Variants in VIPR2 observed in about 807,000 individuals in gnomAD.
VIPR2 encodes the protein vasoactive intestinal polypeptide receptor 2.
In VIPR2, 48 loss-of-function variants were observed where a neutral mutation model predicts 58.0. That is an observed-to-expected ratio of 0.83 (90% CI 0.66 to 1.05). VIPR2 has a LOEUF of 1.05. Among genes scored for constraint, VIPR2 ranks in the 50% least tolerant of loss-of-function variants. VIPR2 has a pLI of 0.00. For missense variants in VIPR2, 534 were observed against 558.0 expected (o/e 0.96, Z 0.43); for synonymous variants, 243 against 235.2 (o/e 1.03, Z -0.30).
chr7:159,123,897 G>A (rs1796562965), intron 2 of VIPR2, among the ~76,000 whole-genome samples: 1 of 152,164 alleles, frequency 6.6e-6, no homozygotes, highest in Non-Finnish European at 1.5e-5. Flanking sequence ...TTTCTCTAAT[G>A]TTCAGTGATG....
At chr7:159,076,416 C>T (rs532665572) in intron 4 of VIPR2, among the ~76,000 whole-genome samples, 1 of 152,260 alleles carries the variant, frequency 6.6e-6, no homozygotes, top group South Asian at 2.1e-4. Context: ...CCAAAAGTAT[C>T]CTTACAGTGC....
chr7:159,043,211 G>T, intron 5 of VIPR2, 35 bp from the exon 6 acceptor site: 1 of 1,567,428 alleles, frequency 6.4e-7, no homozygotes, highest in East Asian at 2.3e-5. Context: ...AGGAATTGGA[G>T]GGGGAAGGGG....
At chr7:159,082,123 C>G (rs892898639) in intron 4 of VIPR2, among the ~76,000 whole-genome samples, 11 of 152,184 alleles carry the variant, frequency 7.2e-5, no homozygotes, top group African/African-American at 2.4e-4. Context: ...GGGTATATAC[C>G]CAAAGGATTA....
At chr7:159,063,447 G>A (rs1322829598) in intron 4 of VIPR2, among the ~76,000 whole-genome samples, 4 of 151,908 alleles carry the variant, frequency 2.6e-5, no homozygotes, top group African/African-American at 9.7e-5. Context: ...GGGGCCTACC[G>A]AGCCCACGAA....
rs1234075865 is a variant in VIPR2 at position 159,117,946 on chromosome 7, T to C, written c.152-8027A>G. Among the ~76,000 whole-genome samples the C allele has an allele frequency of 2.0e-5, 3 of 152,200 alleles. No individual in the cohort carries two copies. The East Asian group carries it at 5.8e-4, about 29-fold the overall frequency. On this transcript the variant is annotated intron_variant, in intron 2 of 12. Coordinates refer to ENST00000262178, the MANE Select transcript of VIPR2 (RefSeq NM_003382.5). ...CTCCAACGCATTTAGAAGCAAATAT[T>C]TCCAATCGCATCCTCCACTCAAGAA...
intron 5 of VIPR2, among the ~76,000 whole-genome samples, chr7:159,052,830 C>T (rs1177284477): frequency 1.3e-5 from 2 of 151,998 alleles, no homozygotes; most frequent in East Asian, 3.9e-4. Flanking sequence ...AATTCAAAAG[C>T]CATTCATGAC....
chr7:159,048,509 A>G lies in VIPR2; in HGVS notation c.456-5333T>C, dbSNP rs139069719. Among the ~76,000 whole-genome samples, 332 of 152,352 alleles carry G rather than the reference A, an allele frequency of 2.2e-3. 1 individual carries two copies. The highest frequency in any genetic ancestry group is 7.6e-3 in the African/African-American group (314 of 41,578). ...GTATTTCCAATACAAATCAGTGACC[A>G]AATTGAACTATACTGTGTGAACTAC... is the stretch of plus-strand genomic sequence containing the variant. On this transcript the variant is annotated intron_variant, in intron 5 of 12. Coordinates refer to ENST00000262178, the MANE Select transcript of VIPR2 (RefSeq NM_003382.5).
At chr7:159,065,299 T>G (rs1856018320) in intron 4 of VIPR2, among the ~76,000 whole-genome samples, 1 of 152,086 alleles carries the variant, frequency 6.6e-6, no homozygotes, top group East Asian at 1.9e-4. Context: ...TCCCCTGCAG[T>G]GGCTGCTACA....
intron 5 of VIPR2, among the ~76,000 whole-genome samples, chr7:159,049,301 A>G (rs1041748673): frequency 1.2e-4 from 17 of 142,736 alleles, no homozygotes; most frequent in African/African-American, 5.2e-4. Flanking sequence ...GCCGTGAAGG[A>G]GGATACCTCA....
At position 159,035,011 on chromosome 7, in the gene VIPR2, A is replaced by T. The variant is rs191729356; in HGVS notation, c.810-361T>A. 9.0e-4 allele frequency among the ~76,000 whole-genome samples: 137 copies of T among 152,248 alleles called. 1 individual carries two copies. The East Asian group carries it at 0.016, about 18-fold the overall frequency. On this transcript the variant is annotated intron_variant, in intron 8 of 12. Coordinates refer to ENST00000262178, the MANE Select transcript of VIPR2 (RefSeq NM_003382.5). ...AAATTAGCTTCCCCTCACCTCCCGA[A>T]TGGTTTGCATGTATATGGCAAAGGG...
intron 1 of VIPR2, among the ~76,000 whole-genome samples, chr7:159,142,984 G>A (rs1408359433): frequency 2.0e-5 from 3 of 152,228 alleles, no homozygotes; most frequent in Non-Finnish European, 4.4e-5. Flanking sequence ...TTTTAAAGGT[G>A]TTGGTACATG....
chr7:159,032,184 C>G, intron 10 of VIPR2, 117 bp from the exon 11 acceptor site: 1 of 1,414,600 alleles, frequency 7.1e-7, no homozygotes, highest in East Asian at 2.5e-5. Flanking sequence ...CACCTCCTCT[C>G]CACTGCTGGA....
At position 159,032,028 on chromosome 7, in the gene VIPR2, G is replaced by T; in HGVS notation, c.1011C>A (p.Phe337Leu). The T allele has an allele frequency of 6.2e-7, 1 of 1,614,100 alleles. No individual in the cohort carries two copies. Among genetic ancestry groups the T allele is most frequent in the South Asian group, 1.1e-5 (1 of 91,074 alleles). ...CGGCAAACACCATGTAGTGGACGCCGAACAGCGGGATAAGCAGGAGCGTGG... is the reference window on the plus strand; with the variant it reads ...CGGCAAACACCATGTAGTGGACGCCTAACAGCGGGATAAGCAGGAGCGTGG... The part of the protein sequence containing the change: ...AKSTLLLIPL[F>L]GVHYMVFAVF... Residue 337 changes from phenylalanine (F) to leucine (L), a missense_variant, in exon 11 of 13, where the codon TTC (phenylalanine) becomes TTA (leucine). This residue lies in a region of VIPR2 where 306 missense variants were observed against 285.8 expected (regional missense o/e 1.07). Coordinates refer to ENST00000262178, the MANE Select transcript of VIPR2 (RefSeq NM_003382.5).
At chr7:159,047,402 T>C (rs980341261) in intron 5 of VIPR2, among the ~76,000 whole-genome samples, 23 of 152,244 alleles carry the variant, frequency 1.5e-4, no homozygotes, top group Admixed American at 1.4e-3. Context: ...TCCAAATTTA[T>C]AAACAAATGT....
intron 6 of VIPR2, among the ~76,000 whole-genome samples, chr7:159,038,316 A>C (rs747375447): frequency 1.3e-5 from 2 of 151,410 alleles, no homozygotes; most frequent in African/African-American, 2.4e-5. Flanking sequence ...TGGGTGCTTC[A>C]TTTTCTGAGA....
intron 5 of VIPR2, among the ~76,000 whole-genome samples, chr7:159,050,366 C>CA (rs1160673316): frequency 1.1e-3 from 140 of 129,726 alleles, no homozygotes; most frequent in African/African-American, 3.8e-3. Flanking sequence ...AAAAAAAAAA[C>CA]AAAAAAAAAC....
At chr7:159,039,608 T>C (rs2902893) in intron 6 of VIPR2, among the ~76,000 whole-genome samples, 137,096 of 152,182 alleles carry the variant, frequency 0.9, 61,976 homozygotes, top group East Asian at 1. Context: ...TGGGTGGCGC[T>C]TTGCGATGGG....
At chr7:159,103,971 G>C (rs565485380) in intron 3 of VIPR2, 117 bp from the exon 4 acceptor site, 12 of 845,182 alleles carry the variant, frequency 1.4e-5, no homozygotes, top group Middle Eastern at 2.2e-4. Context: ...CCAGGGGTCA[G>C]CTAGGAGACA....
intron 4 of VIPR2, among the ~76,000 whole-genome samples, chr7:159,082,075 C>G (rs1055049147): frequency 4.6e-5 from 7 of 152,134 alleles, no homozygotes; most frequent in Non-Finnish European, 5.9e-5. Context: ...CAGGGATCTA[C>G]AACTAGAAAT....
Sources: gnomAD v4.1 joint callset for allele counts (sites outside exome capture counted in the v4.1 genomes callset) on GRCh38, gnomAD v4.1.1 for gene constraint, gnomAD v4.1.1 regional missense constraint, MANE v1.5 for transcripts, NCBI Gene and HGNC (gene_info 2026-07-23, HGNC 2026-07-21) for gene names.